APP: variants seen among roughly 807,000 people sequenced by gnomAD.
APP encodes amyloid-beta precursor protein.
In APP, 31 loss-of-function variants were observed where a neutral mutation model predicts 101.4. The observed-to-expected ratio is 0.31, with a 90% CI of 0.23 to 0.41. APP has a LOEUF of 0.41. APP is among the 10% of genes least tolerant of loss of function. APP has a pLI of 1.00. For missense variants in APP, 839 were observed against 1,003.7 expected, an observed-to-expected ratio of 0.84 and a Z score of 2.22; for synonymous variants, 366 against 364.4, an observed-to-expected ratio of 1.00 and a Z score of -0.05.
chr21:25,884,371 G>A (rs1482604512), intron 17 of APP, among the ~76,000 whole-genome samples: 1 of 152,186 alleles, frequency 6.6e-6, no homozygotes, highest in African/African-American at 2.4e-5. Context: ...AGTACTCAGA[G>A]GACTCTGCTC....
chr21:26,051,553 T>C (rs1311150560), intron 4 of APP, among the ~76,000 whole-genome samples: 1 of 152,186 alleles, frequency 6.6e-6, no homozygotes, highest in Non-Finnish European at 1.5e-5. Context: ...CCAGAAATTG[T>C]GCGCATTCCA....
intron 9 of APP, among the ~76,000 whole-genome samples, chr21:25,977,695 G>A (rs1200362735): frequency 6.6e-6 from 1 of 152,182 alleles, no homozygotes; most frequent in African/African-American, 2.4e-5. Flanking sequence ...CATTACACTT[G>A]AAAAGCATAT....
chr21:25,954,485 G>A (rs1418721408), intron 13 of APP, 105 bp downstream of exon 13: 5 of 1,024,556 alleles, frequency 4.9e-6, no homozygotes, highest in East Asian at 2.6e-5. Flanking sequence ...AAGGCAAGCT[G>A]TTCTATTAAC....
At chr21:25,887,974 T>TTTC (rs2037449454) in intron 17 of APP, among the ~76,000 whole-genome samples, 1 of 152,130 alleles carries the variant, frequency 6.6e-6, no homozygotes, top group Non-Finnish European at 1.5e-5. Flanking sequence ...GGAGTTTTTT[T>TTTC]CCTAGGGTTC....
intron 1 of APP, among the ~76,000 whole-genome samples, chr21:26,119,593 C>T (rs937065017): frequency 1.3e-5 from 2 of 152,170 alleles, no homozygotes; most frequent in African/African-American, 4.8e-5. Flanking sequence ...AGTTTTTCAA[C>T]AGTTGACATA....
chr21:26,088,541 C>G (rs1175064596), intron 3 of APP, among the ~76,000 whole-genome samples: 1 of 152,166 alleles, frequency 6.6e-6, no homozygotes, highest in Non-Finnish European at 1.5e-5. Context: ...ATCAAATTAA[C>G]AGACTCATGA....
chr21:25,954,594 T>A lies in APP; in HGVS notation c.1683A>T (p.Glu561Asp). ...TCAAAAGAACAGCTTACTTACCAAC[T>A]TCATCCTGAATCTCCTCGGCCACTG... ...VPAVAEEIQD[E>D]VDELLQKEQN... The change falls in exon 13 of 18, where the codon GAA (glutamate) becomes GAT (aspartate). Residue 561 changes from glutamate (E) to aspartate (D), a missense_variant. Coordinates refer to ENST00000346798, the MANE Select transcript of APP (RefSeq NM_000484.4). 2 of 1,612,852 alleles carry A rather than the reference T, an allele frequency of 1.2e-6. No individual in the cohort carries two copies. The highest frequency in any genetic ancestry group is 1.7e-6 in the Non-Finnish European group (2 of 1,178,976).
intron 13 of APP, among the ~76,000 whole-genome samples, chr21:25,918,719 C>T (rs529319922): frequency 0.017 from 2,610 of 151,608 alleles, 45 homozygotes; most frequent in Middle Eastern, 0.041. Flanking sequence ...ACACCTGGCT[C>T]GGAGGGTCCT....
intron 2 of APP, among the ~76,000 whole-genome samples, chr21:26,109,344 C>T (rs2062259004): frequency 6.6e-6 from 1 of 152,158 alleles, no homozygotes; most frequent in South Asian, 2.1e-4. Flanking sequence ...CACCATCCCT[C>T]GAGTGCTGTC....
At chr21:26,120,254 G>A (rs1568998683) in intron 1 of APP, among the ~76,000 whole-genome samples, 2 of 152,316 alleles carry the variant, frequency 1.3e-5, no homozygotes, top group South Asian at 4.1e-4. Flanking sequence ...GATTGTTTCA[G>A]AAGGTAGAAA....
intron 6 of APP, among the ~76,000 whole-genome samples, chr21:26,002,189 CT>C (rs1332054069): frequency 6.6e-6 from 1 of 152,198 alleles, no homozygotes; most frequent in Non-Finnish European, 1.5e-5. Context: ...GTCAGATCAT[CT>C]TCATGTCCGT....
At chr21:26,105,897 T>C (rs925528484) in intron 2 of APP, among the ~76,000 whole-genome samples, 2 of 152,204 alleles carry the variant, frequency 1.3e-5, no homozygotes, top group Admixed American at 6.5e-5. Context: ...TTCTTCTATT[T>C]TGCCCATGCC....
intron 1 of APP, among the ~76,000 whole-genome samples, chr21:26,166,879 A>AGT (rs1446410504): frequency 1.1e-5 from 1 of 89,232 alleles, no homozygotes. Context: ...AGTGAGAGAG[A>AGT]GAGAGAGAGA....
At chr21:25,950,709 G>C (rs115548408) in intron 13 of APP, among the ~76,000 whole-genome samples, 1,891 of 152,262 alleles carry the variant, frequency 0.012, 33 homozygotes, top group African/African-American at 0.042. Context: ...AGGAATTGAA[G>C]TGGGAGGGGG....
rs116776650 is a variant in APP at position 25,952,004 on chromosome 21, C to A, written c.1687+2586G>T. Among the ~76,000 whole-genome samples the A allele has an allele frequency of 1.5e-3, 226 of 152,240 alleles. 1 individual carries two copies. The highest frequency in any genetic ancestry group is 5.3e-3 in the African/African-American group (220 of 41,554). ...AGCAGCTCAGATAGTGTACAGGGTT[C>A]GTTATTGCAAACTTCTCTTTCTATA... On this transcript the variant is annotated intron_variant, in intron 13 of 17. Coordinates refer to ENST00000346798, the MANE Select transcript of APP (RefSeq NM_000484.4).
At chr21:26,009,109 T>C (rs191776553) in intron 6 of APP, among the ~76,000 whole-genome samples, 3 of 152,282 alleles carry the variant, frequency 2.0e-5, no homozygotes, top group Admixed American at 6.5e-5. Context: ...TTAAATGCAA[T>C]AGATATGTCA....
At chr21:25,930,603 T>C (rs1351442502) in intron 13 of APP, among the ~76,000 whole-genome samples, 1 of 151,820 alleles carries the variant, frequency 6.6e-6, no homozygotes, top group Non-Finnish European at 1.5e-5. Flanking sequence ...TATATATATA[T>C]GTAAAATCAC....
intron 8 of APP, 122 bp from the exon 9 acceptor site, chr21:25,982,599 C>A (rs768226210): frequency 5.4e-6 from 5 of 930,884 alleles, no homozygotes; most frequent in African/African-American, 3.3e-5. Context: ...AGTAAAGCAG[C>A]GCATACAAGA....
At chr21:25,892,201 G>A (rs1052185222) in intron 16 of APP, among the ~76,000 whole-genome samples, 1 of 152,128 alleles carries the variant, frequency 6.6e-6, no homozygotes, top group African/African-American at 2.4e-5. Flanking sequence ...GAAACCCTTT[G>A]ACAGGTGGAA....
Sources: allele counts gnomAD v4.1 joint callset (sites outside exome capture counted in the v4.1 genomes callset), GRCh38; gene constraint gnomAD v4.1.1; transcripts MANE v1.5; gene names NCBI Gene and HGNC (gene_info 2026-07-23, HGNC 2026-07-21).